The following ATF7IP2 variants were observed in gnomAD, a reference collection of about 807,000 sequenced individuals.
ATF7IP2 encodes the protein activating transcription factor 7-interacting protein 2.
Under a neutral mutation model 64.2 loss-of-function variants are expected in ATF7IP2, and 42 were observed. That is an observed-to-expected ratio of 0.65 (90% CI 0.51 to 0.85). ATF7IP2 has a LOEUF of 0.85. ATF7IP2 is among the 40% of genes least tolerant of loss of function. The pLI, the probability that ATF7IP2 is intolerant of heterozygous loss-of-function variation, is 0.00. For synonymous variants in ATF7IP2, 308 were observed against 272.8 expected (o/e 1.13, Z -1.27); for missense variants, 933 against 784.2 (o/e 1.19, Z -2.27).
At chr16:10,441,200 G>A (rs1392653083) in intron 8 of ATF7IP2, among the ~76,000 whole-genome samples, 1 of 152,152 alleles carries the variant, frequency 6.6e-6, no homozygotes, top group Non-Finnish European at 1.5e-5. Context: ...AAATAGTGCT[G>A]CAATAAACGT....
intron 9 of ATF7IP2, among the ~76,000 whole-genome samples, chr16:10,470,837 ATGTGTGTG>A (rs1458673058): frequency 1.4e-4 from 19 of 137,242 alleles, no homozygotes; most frequent in African/African-American, 6.0e-4. Context: ...ATATATATAT[ATGTGTGTG>A]TATATATATG....
intron 1 of ATF7IP2, among the ~76,000 whole-genome samples, chr16:10,405,674 C>T (rs1240449688): frequency 6.6e-6 from 1 of 152,192 alleles, no homozygotes; most frequent in Non-Finnish European, 1.5e-5. Context: ...TCATCAACGT[C>T]CTCCCAGGCA....
At chr16:10,413,848 T>A (rs763205128) in intron 1 of ATF7IP2, among the ~76,000 whole-genome samples, 12 of 152,226 alleles carry the variant, frequency 7.9e-5, no homozygotes, top group Middle Eastern at 3.2e-3. Flanking sequence ...TTAAGCAGGC[T>A]GAAGATAGGG....
intron 8 of ATF7IP2, among the ~76,000 whole-genome samples, chr16:10,451,938 A>G (rs2048998671): frequency 6.6e-6 from 1 of 152,048 alleles, no homozygotes; most frequent in African/African-American, 2.4e-5. Flanking sequence ...CTGTAGTCCC[A>G]GCTACTCAGG....
chr16:10,396,757 T>C (rs867552343), intron 1 of ATF7IP2, among the ~76,000 whole-genome samples: 34 of 152,058 alleles, frequency 2.2e-4, no homozygotes, highest in Middle Eastern at 3.4e-3. Context: ...CAGGTGATGC[T>C]CCTGCTTCAG....
At chr16:10,407,098 C>G (rs114170223) in intron 1 of ATF7IP2, among the ~76,000 whole-genome samples, 1 of 152,126 alleles carries the variant, frequency 6.6e-6, no homozygotes, top group Admixed American at 6.6e-5. Flanking sequence ...CAATGTGATA[C>G]ATTATATCAA....
At chr16:10,403,647 A>C (rs1231164339) in intron 1 of ATF7IP2, among the ~76,000 whole-genome samples, 1 of 152,246 alleles carries the variant, frequency 6.6e-6, no homozygotes, top group Admixed American at 6.5e-5. Flanking sequence ...TGAAGAGCTC[A>C]AAATGTTTTT....
At chr16:10,424,252 C>T (rs111415040) in intron 3 of ATF7IP2, among the ~76,000 whole-genome samples, 19 of 152,274 alleles carry the variant, frequency 1.2e-4, no homozygotes, top group Non-Finnish European at 1.6e-4. Context: ...ATAGCCATCA[C>T]GAGCCTGTCA....
intron 6 of ATF7IP2, among the ~76,000 whole-genome samples, chr16:10,437,104 C>T (rs1468293221): frequency 6.7e-6 from 1 of 150,302 alleles, no homozygotes. Context: ...TCACTGCAAC[C>T]TCCACCTCCT....
intron 1 of ATF7IP2, among the ~76,000 whole-genome samples, chr16:10,399,334 G>A (rs940572951): frequency 2.0e-5 from 3 of 152,114 alleles, no homozygotes; most frequent in Non-Finnish European, 4.4e-5. Context: ...TTTCTTTTCT[G>A]TGTAAATTTA....
At chr16:10,475,341 C>T (rs9935490) in intron 12 of ATF7IP2, among the ~76,000 whole-genome samples, 1 of 152,136 alleles carries the variant, frequency 6.6e-6, no homozygotes, top group Non-Finnish European at 1.5e-5. Context: ...ACAGTTTTTT[C>T]TTTTAAATAG....
intron 1 of ATF7IP2, among the ~76,000 whole-genome samples, chr16:10,404,694 T>C (rs2047600704): frequency 6.6e-6 from 1 of 152,124 alleles, no homozygotes. Flanking sequence ...TGTGCCACCA[T>C]GCCCAGATAA....
intron 6 of ATF7IP2, 84 bp downstream of exon 6, chr16:10,433,733 A>G (rs950267143): frequency 1.2e-5 from 17 of 1,470,850 alleles, no homozygotes; most frequent in African/African-American, 2.8e-5. Context: ...CCACAGTGGC[A>G]TAATACAGAC....
At chr16:10,415,355 A>G (rs1215150778) in intron 2 of ATF7IP2, among the ~76,000 whole-genome samples, 1 of 152,218 alleles carries the variant, frequency 6.6e-6, no homozygotes. Flanking sequence ...TTTGACAAAG[A>G]TGTCAAGAAC....
intron 1 of ATF7IP2, among the ~76,000 whole-genome samples, chr16:10,404,437 GTTTCACCA>G (rs1165847870): frequency 1.3e-5 from 2 of 152,222 alleles, no homozygotes; most frequent in East Asian, 3.9e-4. Context: ...TAGATACTGG[GTTTCACCA>G]TGTTGGCCCG....
rs1290890914 is a variant in ATF7IP2 at position 10,431,453 on chromosome 16, A to G, written c.833A>G (p.Asn278Ser). Reference protein sequence around the residue: ...TWQSSLDTNNNSHYQKKRMFS... With the variant: ...TWQSSLDTNNSSHYQKKRMFS... ...CAGTCATCACTTGACACTAATAACA[A>G]CAGTAAGTATATACTTATGCACCTT... Residue 278 changes from asparagine to serine, a missense_variant and splice_region_variant, in exon 5 of 14, where the codon AAC becomes AGC. Transcript: ENST00000562102. 1.3e-6 allele frequency: 2 copies of G among 1,578,546 alleles called. No homozygotes were observed. The highest frequency in any genetic ancestry group is 1.4e-5 in the African/African-American group (1 of 73,724).
rs529235949 is a variant in ATF7IP2 at position 10,416,750 on chromosome 16, T to A, written c.-203+2138T>A. ...AGGCGGAGGTTGCATTGAGCCAAGA[T>A]CACACCACTGCACTCCAGCCTGGGC... is the stretch of plus-strand genomic sequence containing the variant. On this transcript the variant is annotated intron_variant, in intron 2 of 13. Coordinates refer to ENST00000562102, the MANE Select transcript of ATF7IP2 (RefSeq NM_001393719.1). Among the ~76,000 whole-genome samples, 258 of 152,222 alleles carry A rather than the reference T, an allele frequency of 1.7e-3. 2 individuals are homozygous for A. Among genetic ancestry groups the A allele is most frequent in the African/African-American group, 6.0e-3 (251 of 41,542 alleles).
At chr16:10,472,237 A>G (rs563151134) in intron 10 of ATF7IP2, 54 bp downstream of exon 10, 21 of 888,940 alleles carry the variant, frequency 2.4e-5, no homozygotes, top group African/African-American at 1.0e-4. Context: ...CCTTAAATCA[A>G]TGTTTGCTTT....
At chr16:10,396,531 T>C (rs2047422043) in intron 1 of ATF7IP2, among the ~76,000 whole-genome samples, 1 of 152,200 alleles carries the variant, frequency 6.6e-6, no homozygotes, top group South Asian at 2.1e-4. Flanking sequence ...AAGTTTGTTT[T>C]CTTTTTTTCG....
Sources: gnomAD v4.1 joint callset for allele counts (sites outside exome capture counted in the v4.1 genomes callset) on GRCh38, gnomAD v4.1.1 for gene constraint, MANE v1.5 for transcripts, NCBI Gene and HGNC (gene_info 2026-07-23, HGNC 2026-07-21) for gene names.